The following PYGB variants were observed in gnomAD, a reference collection of about 807,000 sequenced individuals.
PYGB encodes the protein glycogen phosphorylase, brain form.
In PYGB, 82 loss-of-function variants were observed where a neutral mutation model predicts 94.3. The ratio of observed to expected loss-of-function variants is 0.87; its 90% CI spans 0.73 to 1.04. The LOEUF (loss-of-function observed/expected upper bound fraction) is 1.04. Ranked by LOEUF, PYGB falls within the 50% of genes least tolerant of loss-of-function variation. The pLI, the probability that PYGB is intolerant of heterozygous loss-of-function variation, is 0.00. For synonymous variants in PYGB, 488 were observed against 479.1 expected (o/e 1.02, Z -0.24); for missense variants, 1,132 against 1,158.2 (o/e 0.98, Z 0.33).
At chr20:25,266,585 A>T (rs1009223345) in intron 2 of PYGB, among the ~76,000 whole-genome samples, 1 of 152,220 alleles carries the variant, frequency 6.6e-6, no homozygotes, top group Admixed American at 6.5e-5. Context: ...GCATTAAATA[A>T]AGACAACCTA....
intron 2 of PYGB, among the ~76,000 whole-genome samples, chr20:25,261,593 G>A (rs989921967): frequency 2.0e-5 from 3 of 152,230 alleles, no homozygotes; most frequent in Non-Finnish European, 4.4e-5. Context: ...CCAAAGGAAC[G>A]CAGCTCCTCG....
At chr20:25,278,541 C>T (rs1042957988) in intron 8 of PYGB, 79 bp downstream of exon 8, 1 of 1,558,128 alleles carries the variant, frequency 6.4e-7, no homozygotes, top group African/African-American at 1.4e-5. Context: ...TCTCATGTCC[C>T]AAAAGGGGCT....
chr20:25,279,001 C>A, intron 8 of PYGB, 56 bp from the exon 9 acceptor site: 1 of 1,531,436 alleles, frequency 6.5e-7, no homozygotes. Context: ...TGCCAACAAC[C>A]GTGGGTGCCC....
At chr20:25,283,064 G>T in intron 12 of PYGB, 112 bp from the exon 13 acceptor site, 1 of 893,664 alleles carries the variant, frequency 1.1e-6, no homozygotes, top group Non-Finnish European at 1.8e-6. Context: ...CGGACAAGCA[G>T]ATCCCAGGGG....
In PYGB at chr20:25,295,718, T is replaced by G. The variant is rs749245533; in HGVS notation, c.2379+48T>G. ...CTAGGGGAGCAGCTGGGTGGGTCCA[T>G]GTAGACGTGTTGGGTCAGATTGTTT... On this transcript the variant is annotated intron_variant, in intron 19 of 19. Transcript: ENST00000216962. 7 of 1,534,720 alleles carry G rather than the reference T, an allele frequency of 4.6e-6. No individual in the cohort carries two copies. The East Asian group carries it at 1.1e-4, about 25-fold the overall frequency.
At position 25,274,684 on chromosome 20, in the gene PYGB, G is replaced by A; in HGVS notation, c.621G>A (p.Val207=). 2 of 1,613,732 alleles carry A rather than the reference G, an allele frequency of 1.2e-6. No individual in the cohort carries two copies. Among genetic ancestry groups the A allele is most frequent in the Non-Finnish European group, 1.7e-6 (2 of 1,180,002 alleles). Residue 207 remains valine, a synonymous_variant, in exon 5 of 20, where the codon GTG becomes GTA. Coordinates refer to ENST00000216962, the MANE Select transcript of PYGB (RefSeq NM_002862.4). The part of the protein sequence containing the change: ...YMLPVHFYGR[V]EHTPDGVKWL... ...TTCCCGTGCACTTCTACGGACGCGT[G>A]GAGCACACCCCCGACGGCGTGAAGT...
At chr20:25,278,172 G>T (rs1165401707) in intron 7 of PYGB, 147 bp from the exon 8 acceptor site, 10 of 873,778 alleles carry the variant, frequency 1.1e-5, no homozygotes, top group Non-Finnish European at 1.7e-5. Context: ...TGACCTGAGG[G>T]CACACAGGCA....
intron 14 of PYGB, among the ~76,000 whole-genome samples, chr20:25,287,836 C>G (rs1600739907): frequency 2.0e-5 from 3 of 152,194 alleles, no homozygotes; most frequent in Middle Eastern, 3.4e-3. Flanking sequence ...AAAAAATTAG[C>G]TGGGCGCAGT....
At position 25,281,915 on chromosome 20, in the gene PYGB, G is replaced by C. The variant is rs2088371241; in HGVS notation, c.1404-118G>C. ...GTCACTCTGTTCTCCTTAGAAAACA[G>C]AACAGAACCACTGAGCTTGAGGGCT... On this transcript the variant is annotated intron_variant, in intron 11 of 19. Coordinates refer to ENST00000216962, the MANE Select transcript of PYGB (RefSeq NM_002862.4). The C allele has an allele frequency of 3.4e-6, 3 of 883,572 alleles. No homozygotes were observed. The East Asian group carries it at 7.6e-5, about 22-fold the overall frequency. The allele number at this position is 883,572 out of a possible 1,614,324, so 54.7% of individuals were successfully genotyped here. A position where few individuals can be genotyped will look rare whatever the true frequency, so the allele number is the denominator to read the frequency against.
At chr20:25,277,140 G>T in intron 6 of PYGB, 104 bp from the exon 7 acceptor site, 1 of 868,170 alleles carries the variant, frequency 1.2e-6, no homozygotes, top group South Asian at 1.5e-5. Context: ...GGGGAGTCCT[G>T]TGCTCGAGCG....
intron 1 of PYGB, among the ~76,000 whole-genome samples, 180 bp downstream of exon 1, chr20:25,248,601 C>A (rs529611253): frequency 2.0e-5 from 3 of 151,782 alleles, no homozygotes; most frequent in African/African-American, 7.2e-5. Flanking sequence ...GGGGCCCGGG[C>A]GTCCCCTGCG....
At chr20:25,269,318 G>A (rs916235137) in intron 3 of PYGB, 111 bp downstream of exon 3, 17 of 756,386 alleles carry the variant, frequency 2.2e-5, no homozygotes, top group Non-Finnish European at 3.7e-5. Flanking sequence ...GGCTTTGAGT[G>A]GATGGGCCAG....
chr20:25,290,362 C>G (rs1209598837), intron 15 of PYGB, 119 bp from the exon 16 acceptor site: 15 of 1,341,686 alleles, frequency 1.1e-5, no homozygotes, highest in Non-Finnish European at 1.5e-5. Context: ...ACTGACCGTC[C>G]CGACGGCAGG....
At chr20:25,254,626 A>T (rs889727022) in intron 1 of PYGB, among the ~76,000 whole-genome samples, 35 of 152,232 alleles carry the variant, frequency 2.3e-4, no homozygotes, top group African/African-American at 8.4e-4. Flanking sequence ...CTCGGCCTAC[A>T]AACAGTTAAA....
chr20:25,282,182 G>A lies in PYGB; in HGVS notation c.1518+35G>A, dbSNP rs150871020. 677 of 1,541,260 alleles carry A rather than the reference G, an allele frequency of 4.4e-4. 12 individuals are homozygous for A. The East Asian group carries it at 0.013, about 29-fold the overall frequency. ...GGGCCCCACCCGTGCCTGTGGAGAT[G>A]CCTGGGCTGAGAACCGCGGGCCATG... is the stretch of plus-strand genomic sequence containing the variant. On this transcript the variant is annotated intron_variant, in intron 12 of 19. Transcript: ENST00000216962.
chr20:25,288,374 G>A, intron 14 of PYGB, 51 bp from the exon 15 acceptor site: 1 of 1,606,558 alleles, frequency 6.2e-7, no homozygotes, highest in South Asian at 1.1e-5. Context: ...CCCAGCAGGG[G>A]CTCGTCCGGC....
At chr20:25,285,924 T>C (rs1316083604) in intron 14 of PYGB, among the ~76,000 whole-genome samples, 1 of 152,070 alleles carries the variant, frequency 6.6e-6, no homozygotes, top group Non-Finnish European at 1.5e-5. Context: ...CCTTCCCGAG[T>C]TCTTGCTTGT....
chr20:25,277,269 G>A lies in PYGB; in HGVS notation c.798G>A (p.Ala266=), dbSNP rs753110121. 7 of 1,580,802 alleles carry A rather than the reference G, an allele frequency of 4.4e-6. No homozygotes were observed. The highest frequency in any genetic ancestry group is 1.7e-4 in the Middle Eastern group (1 of 6,006). The change falls in exon 7 of 20, where the codon GCG becomes GCA. Residue 266 remains alanine, a synonymous_variant. Coordinates refer to ENST00000216962, the MANE Select transcript of PYGB (RefSeq NM_002862.4). ...QDFNVGDYIE[A]VLDRNLAENI... ...TCAACGTGGGAGACTACATCGAGGC[G>A]GTCCTGGACCGGAACTTGGCTGAGA...
intron 7 of PYGB, 35 bp downstream of exon 7, chr20:25,277,361 G>A (rs534643003): frequency 5.3e-5 from 81 of 1,518,868 alleles, no homozygotes; most frequent in South Asian, 2.7e-4. Context: ...TGCTCAGGCC[G>A]TATCGCTTTC....
Sources: gnomAD v4.1 joint callset for allele counts (sites outside exome capture counted in the v4.1 genomes callset) on GRCh38, gnomAD v4.1.1 for gene constraint, MANE v1.5 for transcripts, NCBI Gene and HGNC (gene_info 2026-07-23, HGNC 2026-07-21) for gene names.